The following CDHR4 variants were observed in gnomAD, a reference collection of about 807,000 sequenced individuals.
CDHR4 encodes the protein cadherin-related family member 4.
In CDHR4, 89 loss-of-function variants were observed where a neutral mutation model predicts 88.4. The observed-to-expected ratio is 1.01, with a 90% CI of 0.85 to 1.20. The LOEUF is 1.20. Ranked by LOEUF, CDHR4 falls within the 50% of genes most tolerant of loss-of-function variation. The pLI is 0.00. For synonymous variants in CDHR4, 368 were observed against 399.2 expected, an observed-to-expected ratio of 0.92 and a Z score of 0.93; for missense variants, 914 against 1,007.2, an observed-to-expected ratio of 0.91 and a Z score of 1.25.
At position 49,793,996 on chromosome 3, in the gene CDHR4, C is replaced by T. The variant is rs771129667; in HGVS notation, c.1290G>A (p.Pro430=). The T allele has an allele frequency of 7.7e-6, 12 of 1,551,382 alleles. No individual in the cohort carries two copies. The highest frequency in any genetic ancestry group is 4.8e-5 in the South Asian group (4 of 84,066). ...GGQPQMTTEV[P]VLVMVTPINE... is the part of the protein sequence containing the mutation. ...TGATGGGTGTCACCATCACCAGTAC[C>T]GGCACCTCAGCTGGAAGTCATTTGG... The change falls in exon 11 of 19, where the codon CCG becomes CCA. Residue 430 remains proline, a synonymous_variant. Coordinates refer to ENST00000412678, the MANE Select transcript of CDHR4 (RefSeq NM_001007540.4).
intron 5 of CDHR4, 97 bp downstream of exon 5, chr3:49,796,825 A>T: frequency 1.1e-6 from 1 of 875,916 alleles, no homozygotes; most frequent in Non-Finnish European, 1.8e-6. Context: ...AGTCAGTATT[A>T]GTCAAGGAGG....
chr3:49,792,415 G>C, intron 15 of CDHR4, 53 bp downstream of exon 15: 1 of 1,543,592 alleles, frequency 6.5e-7, no homozygotes, highest in South Asian at 1.2e-5. Flanking sequence ...ATCACAACTG[G>C]GGTCCATAGG....
rs1559727482 is a variant in CDHR4, at chr3:49,795,775, A to AG, written c.711-12dup. 1.3e-6 allele frequency: 2 copies of AG among 1,551,576 alleles called. No homozygotes were observed. The highest frequency in any genetic ancestry group is 8.7e-7 in the Non-Finnish European group (1 of 1,146,932). On this transcript the variant is annotated splice_polypyrimidine_tract_variant and intron_variant, in intron 6 of 18. Transcript: ENST00000412678. The surrounding 1 kb of genome is among the most constrained non-coding windows in gnomAD (Gnocchi z 5.4). The stretch of plus-strand genomic sequence containing the variant: ...TTCTGAGCCTGCTCGCTGGACCAAA[A>AG]GGGGGGCACTGGTTCCTGCCCATTC...
chr3:49,797,749 G>A (rs544295569), intron 4 of CDHR4, among the ~76,000 whole-genome samples: 1 of 151,878 alleles, frequency 6.6e-6, no homozygotes, highest in South Asian at 2.1e-4. Flanking sequence ...CCCAAAATGC[G>A]GGATTACAGG....
chr3:49,794,348 G>T (rs1237555913), intron 10 of CDHR4, among the ~76,000 whole-genome samples: 1 of 151,820 alleles, frequency 6.6e-6, no homozygotes, highest in African/African-American at 2.4e-5. Flanking sequence ...CAGTGAGCCA[G>T]GATCGTGCCA....
rs1355536509 is a variant in CDHR4 at position 49,793,787 on chromosome 3, C to T, written c.1483+16G>A. The stretch of plus-strand genomic sequence containing the variant: ...TCTGGCTCCCTGTTTCCATCCCAGC[C>T]CTGGGGTGGATGTACCGCTGAGACG... On this transcript the variant is annotated intron_variant, in intron 11 of 18. Coordinates refer to ENST00000412678, the MANE Select transcript of CDHR4 (RefSeq NM_001007540.4). 1 of 1,551,670 alleles carries T rather than the reference C, an allele frequency of 6.4e-7. No individual in the cohort carries two copies. Among genetic ancestry groups the T allele is most frequent in the South Asian group, 1.2e-5 (1 of 84,064 alleles).
intron 15 of CDHR4, 33 bp from the exon 16 acceptor site, chr3:49,791,992 G>A (rs1362027092): frequency 1.3e-6 from 2 of 1,549,878 alleles, no homozygotes; most frequent in Non-Finnish European, 1.7e-6. Context: ...GAAGCAGTGA[G>A]GGCAGCAGGC....
upstream of CDHR4, among the ~76,000 whole-genome samples, chr3:49,801,532 C>G (rs1181601956): frequency 6.6e-6 from 1 of 152,254 alleles, no homozygotes; most frequent in Non-Finnish European, 1.5e-5. Context: ...TAGCAGCTGA[C>G]TCTGCAACTC....
intron 9 of CDHR4, 112 bp from the exon 10 acceptor site, chr3:49,794,813 T>C (rs1202353534): frequency 2.1e-6 from 3 of 1,439,038 alleles, no homozygotes; most frequent in Non-Finnish European, 2.8e-6. Context: ...GATCCTGTTT[T>C]CCAGACTGCA....
In CDHR4 at chr3:49,793,277, G is replaced by A; in HGVS notation, c.1658C>T (p.Pro553Leu). The change falls in exon 13 of 19, where the codon CCA becomes CTA. Residue 553 changes from proline to leucine, a missense_variant. Physicochemically the swap from Pro to Leu is moderately conservative, Grantham distance 98. Transcript: ENST00000412678. Reference protein sequence around the residue: ...VNDHAPECEPPFQELTIYAPL... With the variant: ...VNDHAPECEPLFQELTIYAPL... ...AGCATAGATGGTGAGTTCCTGAAAT[G>A]GGGGCTCACACTCGGGGGCATGGTC... 6.4e-7 allele frequency: 1 copy of A among 1,551,604 alleles called. No homozygotes were observed. Among genetic ancestry groups the A allele is most frequent in the Non-Finnish European group, 8.7e-7 (1 of 1,146,988 alleles).
At chr3:49,793,372 C>G in intron 12 of CDHR4, 61 bp from the exon 13 acceptor site, 1 of 1,520,776 alleles carries the variant, frequency 6.6e-7, no homozygotes, top group South Asian at 1.2e-5. Context: ...CTGAGCCAGC[C>G]CCTCAACTTC....
At chr3:49,793,117 G>A in intron 13 of CDHR4, 43 bp from the exon 14 acceptor site, 1 of 1,550,844 alleles carries the variant, frequency 6.4e-7, no homozygotes, top group Non-Finnish European at 8.7e-7. Context: ...TGCTGGCCTT[G>A]GCCTGCCCCT....
intron 17 of CDHR4, 92 bp from the exon 18 acceptor site, chr3:49,791,560 C>G: frequency 6.7e-7 from 1 of 1,491,560 alleles, no homozygotes; most frequent in Non-Finnish European, 9.0e-7. Context: ...CAGAAGCCCA[C>G]CTGCCTCCTC....
At position 49,795,074 on chromosome 3, in the gene CDHR4, A is replaced by C; in HGVS notation, c.1058T>G (p.Val353Gly). 6.4e-7 allele frequency: 1 copy of C among 1,551,718 alleles called. No homozygotes were observed. The highest frequency in any genetic ancestry group is 2.4e-5 in the East Asian group (1 of 40,924). ...LVSQIPETAP[V>G]GTVLNTLTCE... ...AGTGAGAGTATTCAGCACGGTGCCC[A>C]CGGGTGCAGTCTCCGGGATTTGGGA... The change falls in exon 9 of 19, where the codon GTG becomes GGG. Residue 353 changes from valine to glycine, a missense_variant. Coordinates refer to ENST00000412678, the MANE Select transcript of CDHR4 (RefSeq NM_001007540.4). The surrounding 1 kb of genome is among the most constrained non-coding windows in gnomAD (Gnocchi z 5.4).
At chr3:49,791,412 G>A (rs1367065750) in intron 18 of CDHR4, 29 bp downstream of exon 18, 1 of 1,535,780 alleles carries the variant, frequency 6.5e-7, no homozygotes, top group Non-Finnish European at 8.8e-7. Context: ...GGCCCAGGCA[G>A]AGAATAGCTT....
intron 10 of CDHR4, 34 bp from the exon 11 acceptor site, chr3:49,794,040 G>A (rs1367272907): frequency 6.5e-7 from 1 of 1,544,954 alleles, no homozygotes; most frequent in South Asian, 1.2e-5. Context: ...GAGCTGGCCT[G>A]GGGTAACTAT....
At position 49,794,946 on chromosome 3, in the gene CDHR4, C is replaced by A; in HGVS notation, c.1185+1G>T. ...TGGGTCTGGGAGCTGGGGCTGGGCA[C>A]CTCAAGGACTCTGTCATAAAGGCAG... On this transcript the variant is annotated splice_donor_variant, in intron 9 of 18. Coordinates refer to ENST00000412678, the MANE Select transcript of CDHR4 (RefSeq NM_001007540.4). LOFTEE classifies it high-confidence loss of function. 1 of 1,551,664 alleles carries A rather than the reference C, an allele frequency of 6.4e-7. No homozygotes were observed. The highest frequency in any genetic ancestry group is 8.7e-7 in the Non-Finnish European group (1 of 1,146,994).
Position 49,795,937 on chromosome 3 carries a change from C to T in CDHR4, c.710+6G>A, listed in dbSNP as rs186898881. On this transcript the variant is annotated splice_donor_region_variant and intron_variant, in intron 6 of 18. Transcript: ENST00000412678. This position sits in a 1 kb window ranked among gnomAD's most constrained non-coding sequence, Gnocchi z 5.4. The stretch of plus-strand genomic sequence containing the variant: ...CCCTCACTGTTCCAGGGTAGGGGAG[C>T]CTTACAGGAAGGAGACCTGGCTGGA... 6.5e-6 allele frequency: 10 copies of T among 1,533,192 alleles called. No homozygotes were observed. The highest frequency in any genetic ancestry group is 1.4e-5 in the African/African-American group (1 of 72,554). The allele number at this position is 1,533,192 out of a possible 1,614,324, so 95.0% of individuals were successfully genotyped here.
chr3:49,796,222 G>T (rs1440802548), intron 5 of CDHR4, among the ~76,000 whole-genome samples, 176 bp from the exon 6 acceptor site: 1 of 152,156 alleles, frequency 6.6e-6, no homozygotes, highest in East Asian at 1.9e-4. Flanking sequence ...ATTCCTTTGA[G>T]CCCCATACCT....
Sources: gnomAD v4.1 joint callset for allele counts (sites outside exome capture counted in the v4.1 genomes callset) on GRCh38, gnomAD v4.1.1 for gene constraint, Gnocchi (gnomAD v3.1) non-coding constraint, MANE v1.5 for transcripts, NCBI Gene and HGNC (gene_info 2026-07-23, HGNC 2026-07-21) for gene names.